Variants in RABEP2 observed in about 807,000 individuals in gnomAD.
RABEP2 encodes rab GTPase-binding effector protein 2.
RABEP2 carries 57 observed loss-of-function variants against 74.1 expected under a neutral mutation model. That is an observed-to-expected ratio of 0.77 (90% CI 0.62 to 0.96). The LOEUF (loss-of-function observed/expected upper bound fraction) is 0.96, where lower values mean the gene tolerates loss of function less well. RABEP2 is among the 40% of genes least tolerant of loss of function. The pLI is 0.00. For missense variants in RABEP2, 692 were observed against 756.3 expected (o/e 0.91, Z 1.00); for synonymous variants, 351 against 344.0 (o/e 1.02, Z -0.23).
At chr16:28,924,754 C>T (rs1964511552) in intron 1 of RABEP2, 139 bp from the exon 2 acceptor site, 6 of 802,164 alleles carry the variant, frequency 7.5e-6, no homozygotes, top group Admixed American at 6.1e-5. Flanking sequence ...CCTGGCCCCG[C>T]CCCTGCCCCG....
intron 3 of RABEP2, chr16:28,917,905 C>A (rs559703375): frequency 5.3e-5 from 8 of 152,338 alleles, no homozygotes. Flanking sequence ...AACTAGGTAA[C>A]TGACACCATC....
chr16:28,923,225 T>C (rs988466586), intron 2 of RABEP2, among the ~76,000 whole-genome samples: 14 of 152,114 alleles, frequency 9.2e-5, no homozygotes, highest in Middle Eastern at 3.4e-3. Flanking sequence ...CTGGGTAACA[T>C]AGAGAGACCC....
rs117741230 is a variant in RABEP2, at chr16:28,905,089, G to A, written c.1609-45C>T. The A allele has an allele frequency of 4.7e-4, 716 of 1,511,554 alleles. 5 individuals carry two copies. The East Asian group carries it at 0.014, about 30-fold the overall frequency. 93.6% of individuals were successfully genotyped at this position (1,511,554 alleles called of 1,614,324 possible). A position where few individuals can be genotyped will look rare whatever the true frequency, so the allele number is the denominator to read the frequency against. On this transcript the variant is annotated intron_variant, in intron 12 of 12. Transcript: ENST00000358201. ...GAGCAGAGTGCACTTGTGGGGAAAC[G>A]CAGCCCCTACCCCACCTGCCAGCCC...
chr16:28,905,974 A>T lies in RABEP2; in HGVS notation c.1423+45T>A, dbSNP rs75840293. ...CCCGGTGGCTCCCTGCAAGGCCGACAGGGGCCCTGGGCCCGGGGCTGGGGG... is the reference window on the plus strand; with the variant it reads ...CCCGGTGGCTCCCTGCAAGGCCGACTGGGGCCCTGGGCCCGGGGCTGGGGG... On this transcript the variant is annotated intron_variant, in intron 9 of 12. Transcript: ENST00000358201. 15,741 of 1,610,864 alleles carry T rather than the reference A, an allele frequency of 9.8e-3. 1,371 individuals are homozygous for T. The African/African-American group carries it at 0.18, about 19-fold the overall frequency.
chr16:28,909,412 T>G (rs1254386434), intron 7 of RABEP2, among the ~76,000 whole-genome samples: 1 of 152,030 alleles, frequency 6.6e-6, no homozygotes, highest in East Asian at 1.9e-4. Flanking sequence ...TAGTTGCCAA[T>G]TCTAAAAATT....
At position 28,914,387 on chromosome 16, in the gene RABEP2, G is replaced by A. The variant is rs947884284; in HGVS notation, c.743C>T (p.Ser248Phe). 4 of 1,613,204 alleles carry A rather than the reference G, an allele frequency of 2.5e-6. No individual in the cohort carries two copies. The highest frequency in any genetic ancestry group is 2.2e-5 in the South Asian group (2 of 91,076). ...CAGGCCCTGGCGGCTTTGGGGCAGGGAGGAGCTGCTGCCGACCCCACCGCC... is the reference window on the plus strand; with the variant it reads ...CAGGCCCTGGCGGCTTTGGGGCAGGAAGGAGCTGCTGCCGACCCCACCGCC... ...SLGGGVGSSS[S>F]LPQSRQGLSP... The change falls in exon 5 of 13, where the codon TCC becomes TTC. Residue 248 changes from serine to phenylalanine, a missense_variant. Ser to Phe is a radical substitution (Grantham distance 155). Transcript: ENST00000358201.
At chr16:28,913,038 C>A (rs1489660799) in intron 5 of RABEP2, among the ~76,000 whole-genome samples, 1 of 152,072 alleles carries the variant, frequency 6.6e-6, no homozygotes, top group African/African-American at 2.4e-5. Context: ...TCTCGGCTTA[C>A]CACAACTTCT....
rs780620978 is a variant in RABEP2 at position 28,914,518 on chromosome 16, C to A, written c.612G>T (p.Ser204=). The change falls in exon 5 of 13, where the codon TCG becomes TCT. Residue 204 remains serine (S), a synonymous_variant. Transcript: ENST00000358201. The part of the protein sequence containing the change: ...TELLPLSRDP[S]PPLEPLEELS... Reference sequence around the variant, plus strand: ...GCTCCTCCAGAGGCTCCAGCGGGGGCGATGGATCCCGGGACAGGGGCAGCA... The same window carrying A: ...GCTCCTCCAGAGGCTCCAGCGGGGGAGATGGATCCCGGGACAGGGGCAGCA... The A allele has an allele frequency of 9.3e-6, 15 of 1,612,688 alleles. No individual in the cohort carries two copies. The South Asian group carries it at 1.6e-4, about 18-fold the overall frequency.
rs1463712639 is a variant in RABEP2 at position 28,905,453 on chromosome 16, G to T, written c.1552C>A (p.Leu518Met). 1 of 1,608,008 alleles carries T rather than the reference G, an allele frequency of 6.2e-7. No individual in the cohort carries two copies. Among genetic ancestry groups the T allele is most frequent in the Admixed American group, 1.7e-5 (1 of 59,088 alleles). ...CTCTGCACCTGCTCACTGGTCTCCA[G>T]CTCTGCCTGCAGCCGCAGCACCTTG... ...RAKVLRLQAE[L>M]ETSEQVQRDF... The change falls in exon 12 of 13, where the codon CTG (leucine) becomes ATG (methionine). Residue 518 changes from leucine to methionine, a missense_variant. Leu to Met is a conservative substitution (Grantham distance 15). Transcript: ENST00000358201.
chr16:28,905,585 C>T, intron 11 of RABEP2, 72 bp from the exon 12 acceptor site: 11 of 1,377,830 alleles, frequency 8.0e-6, no homozygotes, highest in Non-Finnish European at 1.1e-5. Context: ...CATGGCCAGC[C>T]GTTGCCCCAG....
chr16:28,917,220 T>C (rs1482845003), intron 3 of RABEP2, among the ~76,000 whole-genome samples: 1 of 152,066 alleles, frequency 6.6e-6, no homozygotes, highest in Non-Finnish European at 1.5e-5. Flanking sequence ...TAACCGTAGA[T>C]ACCCAAAACA....
At chr16:28,908,149 C>A (rs1490595951) in intron 8 of RABEP2, among the ~76,000 whole-genome samples, 1 of 152,090 alleles carries the variant, frequency 6.6e-6, no homozygotes, top group African/African-American at 2.4e-5. Context: ...TACCGTTGGC[C>A]AGGCTGGTCT....
chr16:28,905,489 C>A lies in RABEP2; in HGVS notation c.1516G>T (p.Glu506Ter). 2 of 1,611,060 alleles carry A rather than the reference C, an allele frequency of 1.2e-6. No homozygotes were observed. Among genetic ancestry groups the A allele is most frequent in the Non-Finnish European group, 1.7e-6 (2 of 1,179,312 alleles). ...SKAQLPDLLS[E>*]QRAKVLRLQA... ...AGCCGCAGCACCTTGGCCCTCTGTT[C>A]TGAGAGGAGGTCTGGGAGCTGGGCC... Residue 506 changes from glutamate to a stop codon, truncating the protein, a stop_gained, in exon 12 of 13, where the codon GAA becomes TAA. Transcript: ENST00000358201. LOFTEE classifies it high-confidence loss of function.
At chr16:28,924,077 T>G in intron 2 of RABEP2, 4 of 365,560 alleles carry the variant, frequency 1.1e-5, no homozygotes, top group East Asian at 6.8e-5. Flanking sequence ...CAGACTAAAA[T>G]GAGGTTGGTT....
intron 2 of RABEP2, among the ~76,000 whole-genome samples, chr16:28,921,913 C>T (rs989075631): frequency 2.6e-5 from 4 of 151,776 alleles, no homozygotes; most frequent in East Asian, 3.9e-4. Context: ...TGCAGTGAAC[C>T]GAGATTGTGC....
intron 3 of RABEP2, among the ~76,000 whole-genome samples, chr16:28,915,982 GAT>G (rs1964387840): frequency 6.6e-6 from 1 of 152,084 alleles, no homozygotes; most frequent in African/African-American, 2.4e-5. Flanking sequence ...TAGAATTACA[GAT>G]GCGTGCCACC....
chr16:28,919,923 C>T lies in RABEP2; in HGVS notation c.295G>A (p.Ala99Thr). Reference sequence around the variant, plus strand: ...TCCTGCTTCAGGGCGGTGATCTGGGCTTCATAGCTGCTGATGGAGTCTGGT... The same window carrying T: ...TCCTGCTTCAGGGCGGTGATCTGGGTTTCATAGCTGCTGATGGAGTCTGGT... ...ILKDSISSYE[A>T]QITALKQERQ... The change falls in exon 3 of 13, where the codon GCC becomes ACC. Residue 99 changes from alanine (A) to threonine (T), a missense_variant. Ala to Thr is a moderately conservative substitution (Grantham distance 58). Coordinates refer to ENST00000358201, the MANE Select transcript of RABEP2 (RefSeq NM_024816.3). 3 of 1,501,668 alleles carry T rather than the reference C, an allele frequency of 2.0e-6. No homozygotes were observed. The highest frequency in any genetic ancestry group is 2.7e-6 in the Non-Finnish European group (3 of 1,104,222). The allele number at this position is 1,501,668 out of a possible 1,614,324, so 93.0% of individuals were successfully genotyped here.
At chr16:28,915,818 G>A (rs1305210432) in intron 3 of RABEP2, among the ~76,000 whole-genome samples, 1 of 151,750 alleles carries the variant, frequency 6.6e-6, no homozygotes, top group Non-Finnish European at 1.5e-5. Context: ...TTACAGGTGT[G>A]AGCCACCGTG....
chr16:28,911,657 A>G (rs975018301), intron 5 of RABEP2, among the ~76,000 whole-genome samples: 2 of 122,010 alleles, frequency 1.6e-5, no homozygotes, highest in African/African-American at 4.0e-5. Flanking sequence ...CAAAAAAGAG[A>G]AAAAAAAAAA....
Sources: gnomAD v4.1 joint callset for allele counts (sites outside exome capture counted in the v4.1 genomes callset) on GRCh38, gnomAD v4.1.1 for gene constraint, MANE v1.5 for transcripts, NCBI Gene and HGNC (gene_info 2026-07-23, HGNC 2026-07-21) for gene names.